Variants in MCPH1 observed in about 807,000 individuals in gnomAD.
The protein encoded by MCPH1 is microcephalin 1.
In MCPH1, 104 loss-of-function variants were observed where a neutral mutation model predicts 84.5. That is an observed-to-expected ratio of 1.23 (90% CI 1.05 to 1.45). The LOEUF (loss-of-function observed/expected upper bound fraction) is 1.45. Among genes scored for constraint, MCPH1 ranks in the 40% most tolerant of loss-of-function variants. The pLI is 0.00. For synonymous variants in MCPH1, 514 were observed against 366.8 expected, an observed-to-expected ratio of 1.40 and a Z score of -4.58; for missense variants, 1,498 against 1,005.7, an observed-to-expected ratio of 1.49 and a Z score of -6.62.
chr8:6,498,768 C>G (rs1439170341), intron 11 of MCPH1, among the ~76,000 whole-genome samples: 2 of 152,014 alleles, frequency 1.3e-5, no homozygotes, highest in Non-Finnish European at 2.9e-5. Context: ...TTGTGGGGAG[C>G]CTCACATATT....
intron 12 of MCPH1, among the ~76,000 whole-genome samples, chr8:6,519,055 C>T (rs1031690262): frequency 2.6e-5 from 4 of 152,138 alleles, no homozygotes; most frequent in East Asian, 1.9e-4. Context: ...TGTCCACTCA[C>T]GTTACATGCA....
intron 12 of MCPH1, among the ~76,000 whole-genome samples, chr8:6,535,388 C>G (rs564901043): frequency 6.6e-6 from 1 of 152,196 alleles, no homozygotes; most frequent in South Asian, 2.1e-4. Flanking sequence ...AATAAAATTT[C>G]TTAACCTGCC....
Position 6,442,131 on chromosome 8 carries a change from C to A in MCPH1, c.645C>A (p.Asn215Lys). Residue 215 changes from asparagine (N) to lysine (K), a missense_variant, in exon 7 of 14, where the codon AAC becomes AAA. Transcript: ENST00000344683. Reference sequence around the variant, plus strand: ...ACTCTCTGTGTGAAGCACCTTTGAACATTTCACGTGATACTTTGTGTTCAG... The same window carrying A: ...ACTCTCTGTGTGAAGCACCTTTGAAAATTTCACGTGATACTTTGTGTTCAG... ...PSNSLCEAPL[N>K]ISRDTLCSDE... 1 of 1,611,634 alleles carries A rather than the reference C, an allele frequency of 6.2e-7. No homozygotes were observed. Among genetic ancestry groups the A allele is most frequent in the Non-Finnish European group, 8.5e-7 (1 of 1,177,812 alleles).
At chr8:6,560,443 G>A (rs766771333) in intron 12 of MCPH1, among the ~76,000 whole-genome samples, 4 of 152,166 alleles carry the variant, frequency 2.6e-5, no homozygotes. Flanking sequence ...AACAAACAGT[G>A]AGGTTACATT....
At chr8:6,439,347 T>G (rs1266922024) in intron 6 of MCPH1, among the ~76,000 whole-genome samples, 3 of 131,906 alleles carry the variant, frequency 2.3e-5, no homozygotes, top group Non-Finnish European at 3.3e-5. Flanking sequence ...TCTATTATCT[T>G]TGGAATTTTT....
At chr8:6,413,000 T>C (rs1330911311) in intron 2 of MCPH1, among the ~76,000 whole-genome samples, 1 of 152,252 alleles carries the variant, frequency 6.6e-6, no homozygotes, top group Non-Finnish European at 1.5e-5. Flanking sequence ...GTATTTACCT[T>C]CATATTTCCA....
intron 11 of MCPH1, among the ~76,000 whole-genome samples, chr8:6,491,598 T>C (rs1338199512): frequency 2.0e-5 from 3 of 151,996 alleles, no homozygotes; most frequent in Non-Finnish European, 4.4e-5. Flanking sequence ...TAGCATTAGG[T>C]ATATCTCCTA....
At chr8:6,436,670 A>T (rs188213227) in intron 5 of MCPH1, among the ~76,000 whole-genome samples, 179 of 150,976 alleles carry the variant, frequency 1.2e-3, no homozygotes, top group African/African-American at 4.2e-3. Flanking sequence ...TAATATTTTT[A>T]TATATAAGAA....
chr8:6,607,761 C>T (rs994968746), intron 12 of MCPH1, among the ~76,000 whole-genome samples: 15 of 152,224 alleles, frequency 9.9e-5, no homozygotes, highest in Admixed American at 7.9e-4. Flanking sequence ...TTGTCTGCTG[C>T]CATGTAAGAC....
chr8:6,627,025 A>AACTT (rs1272843377), intron 13 of MCPH1: 3 of 985,128 alleles, frequency 3.0e-6, no homozygotes, highest in Non-Finnish European at 3.6e-6. Flanking sequence ...ATTTTCTTAT[A>AACTT]ACTTATAAAG....
At chr8:6,594,050 G>GT (rs1828729569) in intron 12 of MCPH1, among the ~76,000 whole-genome samples, 3 of 152,166 alleles carry the variant, frequency 2.0e-5, no homozygotes, top group South Asian at 2.1e-4. Context: ...CTGGGTGCAT[G>GT]TTTTTTTGTT....
intron 3 of MCPH1, among the ~76,000 whole-genome samples, chr8:6,423,191 T>C (rs1021154336): frequency 1.3e-4 from 16 of 122,516 alleles, no homozygotes; most frequent in South Asian, 6.9e-4. Flanking sequence ...TTTTCTTTTC[T>C]TTTTTTTTTT....
rs115799020 is a variant in MCPH1, at chr8:6,532,078, G to A, written c.2214+32149G>A. ...CATCTTGCAGTGGTTGGGATGCGTG[G>A]CATGAAAATGACTCACATGTCTTCA... On this transcript the variant is annotated intron_variant, in intron 12 of 13. Coordinates refer to ENST00000344683, the MANE Select transcript of MCPH1 (RefSeq NM_024596.5). Among the ~76,000 whole-genome samples the A allele has an allele frequency of 6.5e-3, 995 of 152,272 alleles. 9 individuals are homozygous for A. Among genetic ancestry groups the A allele is most frequent in the African/African-American group, 0.023 (972 of 41,560 alleles).
intron 12 of MCPH1, among the ~76,000 whole-genome samples, chr8:6,571,642 T>G (rs770800539): frequency 6.6e-6 from 1 of 152,148 alleles, no homozygotes; most frequent in Non-Finnish European, 1.5e-5. Context: ...ATATGTGCTA[T>G]TTACATTAAG....
intron 12 of MCPH1, among the ~76,000 whole-genome samples, chr8:6,530,402 G>T (rs2442606): frequency 6.6e-6 from 1 of 151,252 alleles, no homozygotes; most frequent in African/African-American, 2.4e-5. Flanking sequence ...CCAGCTACGC[G>T]GGAGGCTAAG....
chr8:6,423,228 C>G (rs1308048470), intron 3 of MCPH1, among the ~76,000 whole-genome samples: 3 of 121,648 alleles, frequency 2.5e-5, no homozygotes, highest in Non-Finnish European at 4.8e-5. Flanking sequence ...CTCGCTCTGT[C>G]GCCCAGGCTG....
At chr8:6,574,410 G>T (rs894586008) in intron 12 of MCPH1, among the ~76,000 whole-genome samples, 1 of 152,170 alleles carries the variant, frequency 6.6e-6, no homozygotes, top group Admixed American at 6.5e-5. Flanking sequence ...CCCCACTCCA[G>T]GAGGACCTCC....
chr8:6,456,042 T>A (rs1305086972), intron 9 of MCPH1, among the ~76,000 whole-genome samples: 2 of 152,166 alleles, frequency 1.3e-5, no homozygotes, highest in African/African-American at 4.8e-5. Flanking sequence ...CCTGACTCCT[T>A]TGCTTCTTAT....
Position 6,502,965 on chromosome 8 carries a change from G to C in MCPH1, c.2214+3036G>C, listed in dbSNP as rs541092225. On this transcript the variant is annotated intron_variant, in intron 12 of 13. Coordinates refer to ENST00000344683, the MANE Select transcript of MCPH1 (RefSeq NM_024596.5). ...TAAAGTTTACAGGCTCTAATCTGGA[G>C]CATGTGGGTCCCGTCAGCACCGAGC... is the stretch of plus-strand genomic sequence containing the variant. 9.5e-4 allele frequency: 925 copies of C among 968,798 alleles called. 3 individuals are homozygous for C. Among genetic ancestry groups the C allele is most frequent in the Admixed American group, 1.9e-3 (69 of 36,662 alleles). The allele number at this position is 968,798 out of a possible 1,614,324, so 60.0% of individuals were successfully genotyped here.
Sources: allele counts gnomAD v4.1 joint callset (sites outside exome capture counted in the v4.1 genomes callset), GRCh38; gene constraint gnomAD v4.1.1; transcripts MANE v1.5; gene names NCBI Gene and HGNC (gene_info 2026-07-23, HGNC 2026-07-21).